Variants in STX8 observed in about 807,000 individuals in gnomAD.
STX8 encodes syntaxin 8, also known as syntaxin-8.
Under a neutral mutation model 37.5 loss-of-function variants are expected in STX8, and 23 were observed. The ratio of observed to expected loss-of-function variants is 0.61; its 90% confidence interval spans 0.44 to 0.87. The LOEUF (loss-of-function observed/expected upper bound fraction) is 0.87. STX8 is among the 40% of genes least tolerant of loss of function. STX8 has a pLI of 0.00. For missense variants in STX8, 313 were observed against 284.7 expected (o/e 1.10, Z -0.71); for synonymous variants, 115 against 99.1 (o/e 1.16, Z -0.95).
At chr17:9,571,123 T>C (rs1052220986) in intron 1 of STX8, among the ~76,000 whole-genome samples, 10 of 152,096 alleles carry the variant, frequency 6.6e-5, no homozygotes, top group Admixed American at 6.6e-4. Flanking sequence ...GAGAACACTT[T>C]TACACACAGA....
chr17:9,539,872 T>C (rs1906207396), intron 4 of STX8, among the ~76,000 whole-genome samples: 1 of 152,178 alleles, frequency 6.6e-6, no homozygotes, highest in African/African-American at 2.4e-5. Context: ...TAGATAGAGC[T>C]GAGCGTTCCC....
rs1286385350 is a variant in STX8, at chr17:9,250,570, T to C, written c.*8A>G. 2.5e-6 allele frequency: 4 copies of C among 1,587,012 alleles called. No individual in the cohort carries two copies. Among genetic ancestry groups the C allele is most frequent in the Admixed American group, 3.6e-5 (2 of 55,414 alleles). On this transcript the variant is annotated 3_prime_UTR_variant, in exon 8 of 8. Coordinates refer to ENST00000306357, the MANE Select transcript of STX8 (RefSeq NM_004853.3). ...CAGGTGTCACTGCTGGTGGTCTCTT[T>C]ACTGCCATCAGTTGGTCGGCCAGAC... is the stretch of plus-strand genomic sequence containing the variant.
intron 6 of STX8, among the ~76,000 whole-genome samples, chr17:9,414,081 T>C (rs1323725871): frequency 4.1e-4 from 11 of 26,690 alleles, no homozygotes; most frequent in South Asian, 1.7e-3. Context: ...CACCCATCTG[T>C]CCATCCATCC....
chr17:9,256,182 C>T (rs1158466387), intron 7 of STX8, among the ~76,000 whole-genome samples: 1 of 152,236 alleles, frequency 6.6e-6, no homozygotes, highest in African/African-American at 2.4e-5. Context: ...ACCTAAGGCC[C>T]TCTGGCGGGT....
chr17:9,256,701 C>A (rs534530896), intron 7 of STX8, among the ~76,000 whole-genome samples: 1 of 152,330 alleles, frequency 6.6e-6, no homozygotes, highest in African/African-American at 2.4e-5. Context: ...TTCCTAAAGG[C>A]AGAGGCAGGG....
At chr17:9,321,670 C>A (rs905734622) in intron 7 of STX8, among the ~76,000 whole-genome samples, 3 of 151,960 alleles carry the variant, frequency 2.0e-5, no homozygotes, top group Middle Eastern at 3.4e-3. Context: ...CAGGTGCACA[C>A]CACCACCCTG....
At chr17:9,367,349 G>A (rs1308624929) in intron 7 of STX8, among the ~76,000 whole-genome samples, 1 of 152,032 alleles carries the variant, frequency 6.6e-6, no homozygotes, top group Non-Finnish European at 1.5e-5. Flanking sequence ...AGGCACCCAC[G>A]TGTTCAGCAA....
rs1384303396 is a variant in STX8, at chr17:9,340,694, G to A, written c.643+37858C>T. ...TTTTTTGAGATGGAGTTTTGCTCTT[G>A]TTGCCCAGGCTGGAGTGCAATGGCG... On this transcript the variant is annotated intron_variant, in intron 7 of 7. Transcript: ENST00000306357. Among the ~76,000 whole-genome samples the A allele has an allele frequency of 5.5e-5, 3 of 54,222 alleles. No homozygotes were observed. In the Admixed American group the frequency reaches 9.1e-4, roughly 17 times the overall value. 35.6% of individuals were successfully genotyped at this position (54,222 alleles called of 152,430 possible). A position where few individuals can be genotyped will look rare whatever the true frequency, so the allele number is the denominator to read the frequency against.
At chr17:9,257,850 G>A (rs761948442) in intron 7 of STX8, among the ~76,000 whole-genome samples, 22 of 152,294 alleles carry the variant, frequency 1.4e-4, no homozygotes, top group Non-Finnish European at 3.1e-4. Context: ...TTAGCCGGGC[G>A]TGATGGCAGG....
intron 6 of STX8, among the ~76,000 whole-genome samples, chr17:9,475,882 A>G (rs912436580): frequency 6.6e-6 from 1 of 152,200 alleles, no homozygotes; most frequent in African/African-American, 2.4e-5. Flanking sequence ...CTTTCGGGTA[A>G]ATAAACTTGC....
At chr17:9,409,796 A>G (rs1327660763) in intron 6 of STX8, among the ~76,000 whole-genome samples, 2 of 152,208 alleles carry the variant, frequency 1.3e-5, no homozygotes, top group African/African-American at 4.8e-5. Flanking sequence ...CTGGGGGGAA[A>G]AAAAGCCAGG....
At chr17:9,330,933 C>T (rs567433129) in intron 7 of STX8, among the ~76,000 whole-genome samples, 2 of 152,252 alleles carry the variant, frequency 1.3e-5, no homozygotes, top group African/African-American at 4.8e-5. Flanking sequence ...AATCCAGGCA[C>T]GAATAACTAG....
rs1294160951 is a variant in STX8 at position 9,557,431 on chromosome 17, T to C, written c.212+3A>G. 4.3e-6 allele frequency: 7 copies of C among 1,610,678 alleles called. No individual in the cohort carries two copies. The highest frequency in any genetic ancestry group is 5.9e-6 in the Non-Finnish European group (7 of 1,177,038). On this transcript the variant is annotated splice_donor_region_variant and intron_variant, in intron 3 of 7. Coordinates refer to ENST00000306357, the MANE Select transcript of STX8 (RefSeq NM_004853.3). ...AAAGAGGTGGAAATGTTTACATGGA[T>C]ACATCTGATGTGTTGACACAGCTCT...
intron 6 of STX8, among the ~76,000 whole-genome samples, chr17:9,464,546 C>CGT (rs1905527230): frequency 2.0e-5 from 3 of 152,094 alleles, no homozygotes; most frequent in Non-Finnish European, 4.4e-5. Flanking sequence ...AGTACTTAAA[C>CGT]ACTGAGATTT....
intron 7 of STX8, among the ~76,000 whole-genome samples, chr17:9,295,152 T>A (rs1249631455): frequency 6.6e-6 from 1 of 152,230 alleles, no homozygotes; most frequent in African/African-American, 2.4e-5. Flanking sequence ...TGGCCAACAC[T>A]AATTTATATT....
intron 7 of STX8, among the ~76,000 whole-genome samples, chr17:9,272,885 C>G (rs549257252): frequency 6.6e-6 from 1 of 152,248 alleles, no homozygotes; most frequent in South Asian, 2.1e-4. Context: ...TCTTTCCCCA[C>G]TGCCACACTC....
chr17:9,453,981 T>G (rs935077642), intron 6 of STX8, among the ~76,000 whole-genome samples: 4 of 152,184 alleles, frequency 2.6e-5, no homozygotes, highest in African/African-American at 9.6e-5. Flanking sequence ...CGCTCTCACA[T>G]GGCTTCAGAC....
rs1225949259 is a variant in STX8 at position 9,432,505 on chromosome 17, A to T, written c.542-53852T>A. 3.9e-5 allele frequency among the ~76,000 whole-genome samples: 6 copies of T among 152,300 alleles called. No individual in the cohort carries two copies. In the East Asian group the frequency reaches 1.2e-3, roughly 29 times the overall value. Reference sequence around the variant, plus strand: ...AACCTTCCATCTAAATCGGAAGAAAAAAAAAATGCCCTCTAGTCACACATA... The same window carrying T: ...AACCTTCCATCTAAATCGGAAGAAATAAAAAATGCCCTCTAGTCACACATA... On this transcript the variant is annotated intron_variant, in intron 6 of 7. Coordinates refer to ENST00000306357, the MANE Select transcript of STX8 (RefSeq NM_004853.3).
intron 7 of STX8, among the ~76,000 whole-genome samples, chr17:9,312,499 C>G (rs1431759563): frequency 1.3e-5 from 2 of 152,156 alleles, no homozygotes; most frequent in Admixed American, 6.5e-5. Context: ...CCGCGTCTGG[C>G]AAGCATGAGA....
Sources: gnomAD v4.1 joint callset for allele counts (sites outside exome capture counted in the v4.1 genomes callset) on GRCh38, gnomAD v4.1.1 for gene constraint, MANE v1.5 for transcripts, NCBI Gene and HGNC (gene_info 2026-07-23, HGNC 2026-07-21) for gene names.